Variants in FAT4 observed in about 807,000 individuals in gnomAD.
FAT4 encodes the protein FAT atypical cadherin 4.
In FAT4, 84 loss-of-function variants were observed where a neutral mutation model predicts 303.9. The observed-to-expected ratio is 0.28, with a 90% CI of 0.23 to 0.33. The LOEUF (loss-of-function observed/expected upper bound fraction) is 0.33. FAT4 is among the 10% of genes least tolerant of loss of function. The pLI, the probability that FAT4 is intolerant of heterozygous loss-of-function variation, is 1.00. For synonymous variants in FAT4, 2,307 were observed against 2,298.8 expected (o/e 1.00, Z -0.10); for missense variants, 6,005 against 6,146.8 (o/e 0.98, Z 0.77).
At chr4:125,459,805 C>A (rs970103581) in intron 10 of FAT4, among the ~76,000 whole-genome samples, 5 of 152,100 alleles carry the variant, frequency 3.3e-5, no homozygotes, top group Non-Finnish European at 7.4e-5. Flanking sequence ...TGCTTCAACA[C>A]ATCAGATTAT....
At chr4:125,333,956 TG>T (rs1375969772) in intron 2 of FAT4, among the ~76,000 whole-genome samples, 1 of 152,140 alleles carries the variant, frequency 6.6e-6, no homozygotes, top group African/African-American at 2.4e-5. Context: ...AGCTCTAGGA[TG>T]GGAATGGGAG....
At chr4:125,484,631 C>G (rs1727345237) in intron 16 of FAT4, among the ~76,000 whole-genome samples, 1 of 152,040 alleles carries the variant, frequency 6.6e-6, no homozygotes, top group African/African-American at 2.4e-5. Context: ...CATTCTTGTG[C>G]AAACATCATA....
At chr4:125,345,930 G>T (rs1053469776) in intron 2 of FAT4, among the ~76,000 whole-genome samples, 1 of 151,912 alleles carries the variant, frequency 6.6e-6, no homozygotes, top group East Asian at 1.9e-4. Context: ...AGGCAGTGAA[G>T]GTTTTCTTAT....
rs1725572380 is a variant in FAT4 at position 125,439,445 on chromosome 4, G to A, written c.7199+5020G>A. On this transcript the variant is annotated intron_variant, in intron 8 of 17. Transcript: ENST00000394329. Reference sequence around the variant, plus strand: ...CCTTCCAGGTTCACGCCATTCTCCTGTCTCAGCCTCCTGAGTAGCTGGGAC... The same window carrying A: ...CCTTCCAGGTTCACGCCATTCTCCTATCTCAGCCTCCTGAGTAGCTGGGAC... Among the ~76,000 whole-genome samples, 4 of 149,998 alleles carry A rather than the reference G, an allele frequency of 2.7e-5. No individual in the cohort carries two copies. In the South Asian group the frequency reaches 8.4e-4, roughly 31 times the overall value.
chr4:125,388,447 A>G (rs966134702), intron 2 of FAT4, among the ~76,000 whole-genome samples: 38 of 152,164 alleles, frequency 2.5e-4, no homozygotes, highest in Non-Finnish European at 4.4e-5. Flanking sequence ...TGTTTGTTTT[A>G]TACTAAAATT....
At chr4:125,455,879 C>T (rs551234917) in intron 10 of FAT4, among the ~76,000 whole-genome samples, 97 of 152,250 alleles carry the variant, frequency 6.4e-4, no homozygotes, top group Non-Finnish European at 1.2e-3. Flanking sequence ...AAAGTATTTG[C>T]TACAAGGAAA....
At chr4:125,384,098 C>A (rs1227445176) in intron 2 of FAT4, among the ~76,000 whole-genome samples, 1 of 152,058 alleles carries the variant, frequency 6.6e-6, no homozygotes, top group Non-Finnish European at 1.5e-5. Flanking sequence ...GGGTTGTTTT[C>A]ACCTTTTGAA....
At chr4:125,439,266 T>C (rs1481542939) in intron 8 of FAT4, among the ~76,000 whole-genome samples, 2 of 152,092 alleles carry the variant, frequency 1.3e-5, no homozygotes, top group Non-Finnish European at 2.9e-5. Context: ...CTAATTCTTC[T>C]GTATCACAAC....
In FAT4 at chr4:125,415,287, C is replaced by T; in HGVS notation, c.6324C>T (p.Leu2108=). Residue 2108 remains leucine, a synonymous_variant, in exon 6 of 18, where the codon CTC becomes CTT. Coordinates refer to ENST00000394329, the MANE Select transcript of FAT4 (RefSeq NM_001291303.3). ...SIGTIDGEVR[L]TGELDREEVS... ...GGACCATTGATGGTGAAGTGAGGCT[C>T]ACTGGAGAACTGGACAGAGAAGAAG... 2 of 1,614,052 alleles carry T rather than the reference C, an allele frequency of 1.2e-6. No homozygotes were observed. The highest frequency in any genetic ancestry group is 1.7e-6 in the Non-Finnish European group (2 of 1,179,992).
rs1343970657 is a variant in FAT4, at chr4:125,438,569, A to T, written c.7199+4144A>T. Among the ~76,000 whole-genome samples the T allele has an allele frequency of 2.0e-5, 3 of 152,196 alleles. 1 individual carries two copies. Among genetic ancestry groups the T allele is most frequent in the Admixed American group, 2.0e-4 (3 of 15,272 alleles). On this transcript the variant is annotated intron_variant, in intron 8 of 17. Coordinates refer to ENST00000394329, the MANE Select transcript of FAT4 (RefSeq NM_001291303.3). ...TGAAAATCTTAAAATGACTCTACAG[A>T]CTATCATATATTCAGTTAAAATGAA...
Position 125,316,321 on chromosome 4 carries a change from C to A in FAT4, c.-12-79C>A. The A allele has an allele frequency of 6.7e-7, 1 of 1,485,534 alleles. No individual in the cohort carries two copies. The allele number at this position is 1,485,534 out of a possible 1,614,324, so 92.0% of individuals were successfully genotyped here. A position where few individuals can be genotyped will look rare whatever the true frequency, so the allele number is the denominator to read the frequency against. ...TCTCAGACCAAGCCGTCAGCTGAAT[C>A]TTTGCTGGCGCTCCTTAATCCCTGT... On this transcript the variant is annotated intron_variant, in intron 1 of 17. Coordinates refer to ENST00000394329, the MANE Select transcript of FAT4 (RefSeq NM_001291303.3). This position sits in a 1 kb window ranked among gnomAD's most constrained non-coding sequence, Gnocchi z 5.7.
chr4:125,491,508 C>G lies in FAT4; in HGVS notation c.14692C>G (p.Arg4898Gly). 1.2e-6 allele frequency: 2 copies of G among 1,614,106 alleles called. No homozygotes were observed. The highest frequency in any genetic ancestry group is 8.5e-7 in the Non-Finnish European group (1 of 1,180,022). ...ACTGAAGCCTCGAAGGTACCACGGT[C>G]GCAGGGCCGAGGGAGGACCTGTGGG... ...ARLKPRRYHGRRAEGGPVGTQ... is the reference protein window; with the variant it reads ...ARLKPRRYHGGRAEGGPVGTQ... Residue 4898 changes from arginine (R) to glycine (G), a missense_variant, in exon 18 of 18, where the codon CGC (arginine) becomes GGC (glycine). Coordinates refer to ENST00000394329, the MANE Select transcript of FAT4 (RefSeq NM_001291303.3).
At chr4:125,428,083 A>G (rs1261362581) in intron 7 of FAT4, among the ~76,000 whole-genome samples, 1 of 152,076 alleles carries the variant, frequency 6.6e-6, no homozygotes. Flanking sequence ...AGATCACTTG[A>G]GGTCAGGAGT....
chr4:125,351,634 A>G (rs1732230006), intron 2 of FAT4, among the ~76,000 whole-genome samples: 1 of 151,736 alleles, frequency 6.6e-6, no homozygotes, highest in Non-Finnish European at 1.5e-5. Context: ...ATGATAGCTT[A>G]GTTTTGTTAA....
intron 12 of FAT4, among the ~76,000 whole-genome samples, chr4:125,471,250 A>G (rs1726846059): frequency 1.3e-5 from 2 of 152,378 alleles, no homozygotes; most frequent in South Asian, 4.1e-4. Context: ...TAAAATAATA[A>G]TGAAATATTT....
intron 17 of FAT4, among the ~76,000 whole-genome samples, chr4:125,488,028 C>A (rs1280825167): frequency 6.6e-6 from 1 of 151,940 alleles, no homozygotes; most frequent in Non-Finnish European, 1.5e-5. Context: ...CTGCATTATT[C>A]TAATGTGTGA....
At position 125,318,078 on chromosome 4, in the gene FAT4, A is replaced by G. The variant is rs1452036264; in HGVS notation, c.1667A>G (p.Asp556Gly). The G allele has an allele frequency of 5.0e-6, 8 of 1,614,054 alleles. No homozygotes were observed. The highest frequency in any genetic ancestry group is 6.8e-6 in the Non-Finnish European group (8 of 1,180,012). The change falls in exon 2 of 18, where the codon GAC (aspartate) becomes GGC (glycine). Residue 556 changes from aspartate to glycine, a missense_variant. Physicochemically the swap from Asp to Gly is moderately conservative, Grantham distance 94. Coordinates refer to ENST00000394329, the MANE Select transcript of FAT4 (RefSeq NM_001291303.3). ...ATTGTTCTGAATATAAGTGCCCGGG[A>G]CCAGGGAGTTCACCCCAAGGTGTCC... is the stretch of plus-strand genomic sequence containing the variant. ...SQIVLNISAR[D>G]QGVHPKVSYA...
chr4:125,399,207 C>G (rs1734293849), intron 3 of FAT4, among the ~76,000 whole-genome samples: 2 of 151,824 alleles, frequency 1.3e-5, no homozygotes, highest in South Asian at 4.2e-4. Context: ...AGAGGTATCT[C>G]TATTTTATGC....
intron 10 of FAT4, among the ~76,000 whole-genome samples, chr4:125,461,846 A>G (rs1282365098): frequency 6.6e-6 from 1 of 151,986 alleles, no homozygotes; most frequent in Admixed American, 6.6e-5. Flanking sequence ...TGGCCTTCAC[A>G]TAATCAGTTG....
Sources: allele counts gnomAD v4.1 joint callset (sites outside exome capture counted in the v4.1 genomes callset), GRCh38; gene constraint gnomAD v4.1.1; non-coding constraint Gnocchi (gnomAD v3.1); transcripts MANE v1.5; gene names NCBI Gene and HGNC (gene_info 2026-07-23, HGNC 2026-07-21).